The following SAV1 variants were observed in gnomAD, a reference collection of about 807,000 sequenced individuals.
SAV1 encodes salvador family WW domain containing protein 1.
SAV1 carries 23 observed loss-of-function variants against 47.3 expected under a neutral mutation model. The observed-to-expected ratio is 0.49, with a 90% CI of 0.35 to 0.69. The LOEUF (loss-of-function observed/expected upper bound fraction) is 0.69, where lower values mean the gene tolerates loss of function less well. Ranked by LOEUF, SAV1 falls within the 30% of genes least tolerant of loss-of-function variation. SAV1 has a pLI of 0.01. For missense variants in SAV1, 448 were observed against 457.4 expected (o/e 0.98, Z 0.19); for synonymous variants, 155 against 159.2 (o/e 0.97, Z 0.20).
chr14:50,661,098 C>T (rs1337709766), intron 2 of SAV1, among the ~76,000 whole-genome samples: 1 of 152,166 alleles, frequency 6.6e-6, no homozygotes, highest in African/African-American at 2.4e-5. Flanking sequence ...TAACAGTTGC[C>T]TTTTCTTCAC....
chr14:50,650,884 G>A (rs2039762639), intron 2 of SAV1, among the ~76,000 whole-genome samples: 1 of 152,140 alleles, frequency 6.6e-6, no homozygotes, highest in South Asian at 2.1e-4. Flanking sequence ...TTAGCTGGGC[G>A]TGGCGGCACA....
At chr14:50,646,417 G>A (rs1169697364) in intron 2 of SAV1, among the ~76,000 whole-genome samples, 1 of 152,122 alleles carries the variant, frequency 6.6e-6, no homozygotes, top group African/African-American at 2.4e-5. Flanking sequence ...CGAGCGCAGT[G>A]GCTCACGCCT....
intron 2 of SAV1, among the ~76,000 whole-genome samples, chr14:50,649,415 G>A (rs1223501784): frequency 3.9e-5 from 6 of 152,214 alleles, no homozygotes; most frequent in Admixed American, 3.3e-4. Flanking sequence ...CATAGTAAGT[G>A]TTAAATAAAT....
chr14:50,652,419 C>G (rs2039776948), intron 2 of SAV1, among the ~76,000 whole-genome samples: 1 of 152,146 alleles, frequency 6.6e-6, no homozygotes, highest in Admixed American at 6.5e-5. Context: ...AGTGCAATCC[C>G]TGAATACTAT....
At chr14:50,667,558 T>G (rs902478575) in intron 1 of SAV1, 1 of 491,104 alleles carries the variant, frequency 2.0e-6, no homozygotes, top group African/African-American at 2.0e-5. Flanking sequence ...CATTAGGTGA[T>G]AAGCAATTTA....
At chr14:50,666,292 G>A (rs943168928) in intron 1 of SAV1, among the ~76,000 whole-genome samples, 13 of 152,132 alleles carry the variant, frequency 8.5e-5, no homozygotes, top group African/African-American at 2.9e-4. Context: ...CTGAAACTAT[G>A]TAATTATAAT....
chr14:50,668,259 GGGCC>G lies in SAV1; in HGVS notation c.-296_-293del, dbSNP rs2039923234. 3 of 47,254 alleles carry G rather than the reference GGGCC, an allele frequency of 6.3e-5. No homozygotes were observed. Among genetic ancestry groups the G allele is most frequent in the Non-Finnish European group, 9.8e-5 (3 of 30,750 alleles). The allele number at this position is 47,254 out of a possible 1,614,324, so 2.9% of individuals were successfully genotyped here. A position where few individuals can be genotyped will look rare whatever the true frequency, so the allele number is the denominator to read the frequency against. On this transcript the variant is annotated 5_prime_UTR_variant, in exon 1 of 5. An upstream open reading frame in the 5' UTR gains an earlier in-frame stop. Transcript: ENST00000324679. Reference sequence around the variant, plus strand: ...AGGAAAGCCCAGCGACGCCGGGCCAGGGCCAGGGCCATGGTCCGCCGCGGGCCGC... The same window carrying G: ...AGGAAAGCCCAGCGACGCCGGGCCAGAGGGCCATGGTCCGCCGCGGGCCGC...
At position 50,635,402 on chromosome 14, in the gene SAV1, C is replaced by A; in HGVS notation, c.951-18G>T. 1 of 1,596,186 alleles carries A rather than the reference C, an allele frequency of 6.3e-7. No homozygotes were observed. The highest frequency in any genetic ancestry group is 1.1e-5 in the South Asian group (1 of 90,532). On this transcript the variant is annotated intron_variant, in intron 4 of 4. Coordinates refer to ENST00000324679, the MANE Select transcript of SAV1 (RefSeq NM_021818.4). ...GGTCATATCTGTTTTAAAACACAATCATATATATGTTCACAACACATACAT... is the reference window on the plus strand; with the variant it reads ...GGTCATATCTGTTTTAAAACACAATAATATATATGTTCACAACACATACAT...
chr14:50,654,053 T>C (rs975688672), intron 2 of SAV1, among the ~76,000 whole-genome samples: 2 of 152,196 alleles, frequency 1.3e-5, no homozygotes, highest in African/African-American at 4.8e-5. Flanking sequence ...CGTCTCCATA[T>C]TGATGGCTGC....
At chr14:50,661,317 C>G (rs2039858272) in intron 2 of SAV1, among the ~76,000 whole-genome samples, 1 of 152,064 alleles carries the variant, frequency 6.6e-6, no homozygotes, top group African/African-American at 2.4e-5. Context: ...GTTTTTCTTA[C>G]TGTTGGCTTC....
At chr14:50,649,188 T>G (rs887764539) in intron 2 of SAV1, among the ~76,000 whole-genome samples, 2 of 152,228 alleles carry the variant, frequency 1.3e-5, no homozygotes, top group African/African-American at 4.8e-5. Flanking sequence ...TCTCAAATGT[T>G]TCAATGAAGC....
chr14:50,639,461 T>C (rs1042838050), intron 4 of SAV1, among the ~76,000 whole-genome samples: 1 of 152,230 alleles, frequency 6.6e-6, no homozygotes, highest in African/African-American at 2.4e-5. Context: ...TAGAATCAAC[T>C]AGAAAGCAAC....
At chr14:50,667,345 T>C (rs1273594899) in intron 1 of SAV1, 2 of 449,694 alleles carry the variant, frequency 4.4e-6, no homozygotes, top group African/African-American at 2.0e-5. Context: ...GATGAGGCTT[T>C]GGGTGGCGGC....
chr14:50,646,634 G>A (rs978907058), intron 2 of SAV1, among the ~76,000 whole-genome samples: 2 of 143,844 alleles, frequency 1.4e-5, no homozygotes, highest in Admixed American at 7.2e-5. Context: ...GCAGTGAGCT[G>A]AGAACGCGCC....
rs151017111 is a variant in SAV1, at chr14:50,663,902, G to A, written c.535+1277C>T. Reference sequence around the variant, plus strand: ...CCTTACATCTTATTTCTTCAAACCAGGCAGAACTACACTGTTCCTTATATT... The same window carrying A: ...CCTTACATCTTATTTCTTCAAACCAAGCAGAACTACACTGTTCCTTATATT... On this transcript the variant is annotated intron_variant, in intron 2 of 4. Coordinates refer to ENST00000324679, the MANE Select transcript of SAV1 (RefSeq NM_021818.4). Among the ~76,000 whole-genome samples, 826 of 152,236 alleles carry A rather than the reference G, an allele frequency of 5.4e-3. 6 individuals carry two copies. Among genetic ancestry groups the A allele is most frequent in the Non-Finnish European group, 8.7e-3 (589 of 68,022 alleles).
intron 4 of SAV1, among the ~76,000 whole-genome samples, chr14:50,636,072 G>A (rs777853035): frequency 6.6e-6 from 1 of 152,084 alleles, no homozygotes; most frequent in Non-Finnish European, 1.5e-5. Flanking sequence ...TTAAGTTAAA[G>A]AATACCTATT....
At chr14:50,644,340 C>CCT (rs2039703098) in intron 3 of SAV1, among the ~76,000 whole-genome samples, 1 of 152,170 alleles carries the variant, frequency 6.6e-6, no homozygotes, top group East Asian at 1.9e-4. Context: ...ACAATCATGT[C>CCT]TGAAATAGAA....
chr14:50,648,561 T>C (rs908809751), intron 2 of SAV1, among the ~76,000 whole-genome samples: 2 of 152,020 alleles, frequency 1.3e-5, no homozygotes, highest in Non-Finnish European at 2.9e-5. Flanking sequence ...GGGCAGATCA[T>C]GAGGTCAGGA....
chr14:50,644,890 A>G lies in SAV1; in HGVS notation c.660T>C (p.His220=). 6.2e-7 allele frequency: 1 copy of G among 1,614,132 alleles called. No homozygotes were observed. The highest frequency in any genetic ancestry group is 8.5e-7 in the Non-Finnish European group (1 of 1,180,018). ...GGCTCCAGTGAGTTGTATTTGTGTT[A>G]TGATCTATATAATATTTTCTCCCTC... ...TMRGRKYYID[H]NTNTTHWSHP... The change falls in exon 3 of 5, where the codon CAT becomes CAC. Residue 220 remains histidine, a synonymous_variant. Coordinates refer to ENST00000324679, the MANE Select transcript of SAV1 (RefSeq NM_021818.4).
Sources: gnomAD v4.1 joint callset for allele counts (sites outside exome capture counted in the v4.1 genomes callset) on GRCh38, gnomAD v4.1.1 for gene constraint, MANE v1.5 for transcripts, NCBI Gene and HGNC (gene_info 2026-07-23, HGNC 2026-07-21) for gene names.